The following HOMER3 variants were observed in gnomAD, a reference collection of about 807,000 sequenced individuals.
HOMER3 encodes the protein homer protein homolog 3.
Under a neutral mutation model 45.5 loss-of-function variants are expected in HOMER3, and 34 were observed. The observed-to-expected ratio is 0.75, with a 90% CI of 0.57 to 1.00. The LOEUF is 1.00. Ranked by LOEUF, HOMER3 falls within the 50% of genes least tolerant of loss-of-function variation. HOMER3 has a pLI of 0.00. For synonymous variants in HOMER3, 223 were observed against 208.8 expected (o/e 1.07, Z -0.58); for missense variants, 480 against 497.5 (o/e 0.96, Z 0.33).
At chr19:18,930,892 C>T (rs1248477846) in intron 9 of HOMER3, among the ~76,000 whole-genome samples, 1 of 152,030 alleles carries the variant, frequency 6.6e-6, no homozygotes, top group African/African-American at 2.4e-5. Context: ...CCTGTAATCC[C>T]AGCTACTCAG....
Position 18,929,393 on chromosome 19 carries a change from G to T in HOMER3, c.*50C>A. The stretch of plus-strand genomic sequence containing the variant: ...AATGGGCCCAACTATGCCGCCTGCA[G>T]CCTGGCCCGCATCCCAGGCCGGAAT... On this transcript the variant is annotated 3_prime_UTR_variant, in exon 10 of 10. Transcript: ENST00000392351. 6.4e-7 allele frequency: 1 copy of T among 1,567,510 alleles called. No individual in the cohort carries two copies. Among genetic ancestry groups the T allele is most frequent in the South Asian group, 1.1e-5 (1 of 89,314 alleles).
Position 18,929,543 on chromosome 19 carries a change from C to A in HOMER3, c.986G>T (p.Arg329Leu). 6.4e-7 allele frequency: 1 copy of A among 1,557,498 alleles called. No individual in the cohort carries two copies. The change falls in exon 10 of 10, where the codon CGG becomes CTG. Residue 329 changes from arginine to leucine, a missense_variant. By Grantham distance (102) the Arg-to-Leu change is moderately radical. Coordinates refer to ENST00000392351, the MANE Select transcript of HOMER3 (RefSeq NM_004838.4). ...CTGCGCTGCCCGGCCCACCTCAGCC[C>A]GCGCCCGCTCCCGCTCTGCCCGTGC... ...EEARAERERA[R>L]AEVGRAAQLL...
intron 1 of HOMER3, chr19:18,939,499 T>G: frequency 6.5e-6 from 1 of 153,256 alleles, no homozygotes; most frequent in Non-Finnish European, 1.5e-5. Context: ...TTATTATAGA[T>G]AACTCAGAGC....
At position 18,929,345 on chromosome 19, in the gene HOMER3, C is replaced by T. The variant is rs1253322028; in HGVS notation, c.*98G>A. On this transcript the variant is annotated 3_prime_UTR_variant, in exon 10 of 10. Transcript: ENST00000392351. ...CGGCCCACCCAGGGCTAAGTTGGGA[C>T]CCCCCAGTCCCTTTCCAGGACGAAT... 11 of 1,393,558 alleles carry T rather than the reference C, an allele frequency of 7.9e-6. No individual in the cohort carries two copies. Among genetic ancestry groups the T allele is most frequent in the East Asian group, 2.3e-5 (1 of 43,860 alleles). The allele number at this position is 1,393,558 out of a possible 1,614,324, so 86.3% of individuals were successfully genotyped here. A position where few individuals can be genotyped will look rare whatever the true frequency, so the allele number is the denominator to read the frequency against.
In HOMER3 at chr19:18,929,488, A is replaced by C; in HGVS notation, c.1041T>G (p.Ser347Arg). The C allele has an allele frequency of 6.3e-7, 1 of 1,598,220 alleles. No homozygotes were observed. The highest frequency in any genetic ancestry group is 8.5e-7 in the Non-Finnish European group (1 of 1,174,828). The part of the protein sequence containing the change: ...QLLDVSLFEL[S>R]ELREGLARLA... ...GGCGGGCCAGGCCCTCACGCAGCTC[A>C]CTCAGCTCAAACAGGCTGACGTCCA... Residue 347 changes from serine to arginine, a missense_variant, in exon 10 of 10, where the codon AGT becomes AGG. Physicochemically the swap from Ser to Arg is moderately radical, Grantham distance 110. Coordinates refer to ENST00000392351, the MANE Select transcript of HOMER3 (RefSeq NM_004838.4).
At chr19:18,933,751 C>T (rs568692161) in intron 5 of HOMER3, among the ~76,000 whole-genome samples, 127 of 152,182 alleles carry the variant, frequency 8.3e-4, no homozygotes, top group Non-Finnish European at 1.6e-3. Flanking sequence ...GTCACCCAGG[C>T]TGGAGTGCAG....
chr19:18,929,659 TGG>T (rs999171868), intron 9 of HOMER3, 25 bp from the exon 10 acceptor site: 3 of 1,435,752 alleles, frequency 2.1e-6, no homozygotes, highest in African/African-American at 2.8e-5. Context: ...TGGGCAGGGT[TGG>T]GGGCCCCAAC....
Position 18,932,048 on chromosome 19 carries a change from G to A in HOMER3, c.618C>T (p.Ala206=). 1 of 1,556,088 alleles carries A rather than the reference G, an allele frequency of 6.4e-7. No homozygotes were observed. Among genetic ancestry groups the A allele is most frequent in the African/African-American group, 1.4e-5 (1 of 73,178 alleles). ...GCCTCCACTGGGCTGCGGCGGCGTT[G>A]GCCTCTCGCAGGGCGCCTGCCAGCT... is the stretch of plus-strand genomic sequence containing the variant. ...NNKLAGALRE[A]NAAAAQWRQQ... The change falls in exon 7 of 10, where the codon GCC becomes GCT. Residue 206 remains alanine, a synonymous_variant. Transcript: ENST00000392351.
intron 3 of HOMER3, 31 bp downstream of exon 3, chr19:18,938,697 T>G (rs1396554253): frequency 6.4e-7 from 1 of 1,572,250 alleles, no homozygotes; most frequent in African/African-American, 1.3e-5. Context: ...GGACTCCTGG[T>G]GCCTCTGCCC....
intron 4 of HOMER3, among the ~76,000 whole-genome samples, chr19:18,935,154 G>T (rs1031279312): frequency 8.0e-5 from 11 of 136,846 alleles, no homozygotes; most frequent in South Asian, 4.5e-4. Context: ...TTTTTTTTTG[G>T]GGGGGGACAG....
Position 18,938,868 on chromosome 19 carries a change from T to G in HOMER3, c.31A>C (p.Ser11Arg). 1 of 1,604,922 alleles carries G rather than the reference T, an allele frequency of 6.2e-7. No homozygotes were observed. The highest frequency in any genetic ancestry group is 8.5e-7 in the Non-Finnish European group (1 of 1,175,958). Residue 11 changes from serine (S) to arginine (R), a missense_variant, in exon 3 of 10, where the codon AGC becomes CGC. Coordinates refer to ENST00000392351, the MANE Select transcript of HOMER3 (RefSeq NM_004838.4). MSTAREQPIFSTRAHVFQIDP... is the reference protein window; with the variant it reads MSTAREQPIFRTRAHVFQIDP... The stretch of plus-strand genomic sequence containing the variant: ...ATTTGGAACACGTGCGCCCGTGTGC[T>G]GAAGATTGGCTGCTCCCTGCGTGGG...
chr19:18,931,936 G>A (rs374818494), intron 7 of HOMER3, 40 bp downstream of exon 7: 11 of 1,484,840 alleles, frequency 7.4e-6, no homozygotes, highest in Non-Finnish European at 9.8e-6. Context: ...ACAGTTGCCC[G>A]GGCCAGGTGG....
intron 4 of HOMER3, among the ~76,000 whole-genome samples, chr19:18,936,014 G>A (rs528887984): frequency 4.1e-5 from 6 of 147,228 alleles, no homozygotes; most frequent in Non-Finnish European, 9.0e-5. Flanking sequence ...GCAAAACTCT[G>A]TCTCAAAATA....
At chr19:18,931,293 C>A in intron 9 of HOMER3, 32 bp downstream of exon 9, 2 of 1,583,322 alleles carry the variant, frequency 1.3e-6, no homozygotes, top group Non-Finnish European at 8.7e-7. Flanking sequence ...CTGTCACCCA[C>A]CGTCACCCCA....
intron 5 of HOMER3, among the ~76,000 whole-genome samples, chr19:18,933,750 G>A (rs945745932): frequency 2.0e-5 from 3 of 151,960 alleles, no homozygotes; most frequent in African/African-American, 7.3e-5. Flanking sequence ...TGTCACCCAG[G>A]CTGGAGTGCA....
chr19:18,931,120 C>T (rs1016328718), intron 9 of HOMER3: 43 of 550,464 alleles, frequency 7.8e-5, no homozygotes, highest in African/African-American at 6.7e-4. Flanking sequence ...GGGAATACAG[C>T]AGGAACTCAA....
chr19:18,933,165 G>A, intron 5 of HOMER3, 120 bp from the exon 6 acceptor site: 3 of 1,265,954 alleles, frequency 2.4e-6, no homozygotes, highest in Non-Finnish European at 3.1e-6. Context: ...GTCCTTCACA[G>A]CACAGGATCC....
Position 18,929,354 on chromosome 19 carries a change from C to T in HOMER3, c.*89G>A. 1 of 1,455,586 alleles carries T rather than the reference C, an allele frequency of 6.9e-7. No homozygotes were observed. The highest frequency in any genetic ancestry group is 9.5e-7 in the Non-Finnish European group (1 of 1,050,800). The allele number at this position is 1,455,586 out of a possible 1,614,324, so 90.2% of individuals were successfully genotyped here. ...CAGGGCTAAGTTGGGACCCCCCAGT[C>T]CCTTTCCAGGACGAATGGGCCCAAC... On this transcript the variant is annotated 3_prime_UTR_variant, in exon 10 of 10. Transcript: ENST00000392351.
chr19:18,932,322 G>A (rs2057044251), intron 6 of HOMER3, among the ~76,000 whole-genome samples, 190 bp from the exon 7 acceptor site: 1 of 146,934 alleles, frequency 6.8e-6, no homozygotes, highest in Admixed American at 6.8e-5. Context: ...GCACTGGGCT[G>A]GGGGCGGAGT....
Sources: allele counts gnomAD v4.1 joint callset (sites outside exome capture counted in the v4.1 genomes callset), GRCh38; gene constraint gnomAD v4.1.1; transcripts MANE v1.5; gene names NCBI Gene and HGNC (gene_info 2026-07-23, HGNC 2026-07-21).